Variants in CAPN6 observed in about 807,000 individuals in gnomAD.
CAPN6 encodes calpain 6.
A neutral mutation model predicts 46.0 loss-of-function variants in CAPN6; 16 were observed. The ratio of observed to expected loss-of-function variants is 0.35; its 90% CI spans 0.24 to 0.53. The LOEUF (loss-of-function observed/expected upper bound fraction) is 0.53, where lower values mean the gene tolerates loss of function less well. CAPN6 is among the 20% of genes least tolerant of loss of function. The pLI is 0.94. For synonymous variants in CAPN6, 206 were observed against 172.8 expected, an observed-to-expected ratio of 1.19 and a Z score of -1.51; for missense variants, 461 against 498.0, an observed-to-expected ratio of 0.93 and a Z score of 0.71.
chrX:111,260,262 G>C (rs1177601919), intron 2 of CAPN6, among the ~76,000 whole-genome samples: 5 of 111,801 alleles, frequency 4.5e-5, no homozygotes, highest in Non-Finnish European at 9.4e-5. Context: ...CCCAAGAATG[G>C]GGCGGCGGGG....
rs1399983516 is a variant in CAPN6, at chrX:111,255,854, T to C, written c.166-1451A>G. 3.6e-5 allele frequency among the ~76,000 whole-genome samples: 4 copies of C among 111,718 alleles called. No homozygotes were observed. The East Asian group carries it at 1.1e-3, about 31-fold the overall frequency. On this transcript the variant is annotated intron_variant, in intron 2 of 12. Coordinates refer to ENST00000324068, the MANE Select transcript of CAPN6 (RefSeq NM_014289.4). ...CTTTGGATTCTCAGGTCTTTTTTTT[T>C]AGATGCATGCCTGGTAGTTCACAAC...
chrX:111,268,777 T>C (rs975687), intron 1 of CAPN6, among the ~76,000 whole-genome samples: 2 of 111,845 alleles, frequency 1.8e-5, no homozygotes, highest in Non-Finnish European at 1.9e-5. Context: ...TGTTGGAAAG[T>C]CTGTTAGAAA....
chrX:111,251,663 C>T lies in CAPN6; in HGVS notation c.779G>A (p.Arg260His), dbSNP rs754214263. Residue 260 changes from arginine (R) to histidine (H), a missense_variant, in exon 6 of 13, where the codon CGC becomes CAC. Coordinates refer to ENST00000324068, the MANE Select transcript of CAPN6 (RefSeq NM_014289.4). Reference protein sequence around the residue: ...KGHTYTMTDIRKIRLGERLVE... With the variant: ...KGHTYTMTDIHKIRLGERLVE... ...AAGTCTCTCTCCAAGACGAATTTTG[C>T]GAATATCAGTCATGGTATAGGTATG... 5 of 1,209,472 alleles carry T rather than the reference C, an allele frequency of 4.1e-6. No individual in the cohort carries two copies. The highest frequency in any genetic ancestry group is 1.8e-5 in the South Asian group (1 of 56,869).
At chrX:111,248,397 T>G (rs754596555) in intron 10 of CAPN6, among the ~76,000 whole-genome samples, 172 bp downstream of exon 10, 1 of 112,638 alleles carries the variant, frequency 8.9e-6, no homozygotes, top group East Asian at 2.8e-4. Context: ...ACTGGGGAAT[T>G]TCCCCCAACC....
intron 1 of CAPN6, among the ~76,000 whole-genome samples, chrX:111,266,399 A>T (rs2094992020): frequency 9.0e-6 from 1 of 110,992 alleles, no homozygotes; most frequent in South Asian, 3.8e-4. Flanking sequence ...ACCTAATGAG[A>T]TGGTTGGTGT....
intron 8 of CAPN6, among the ~76,000 whole-genome samples, chrX:111,250,112 A>C (rs984755820): frequency 1.8e-5 from 2 of 111,062 alleles, no homozygotes; most frequent in South Asian, 7.8e-4. Context: ...GAAGGGTGGA[A>C]GAGCAGTATG....
At chrX:111,261,080 C>T in intron 2 of CAPN6, among the ~76,000 whole-genome samples, 1 of 112,248 alleles carries the variant, frequency 8.9e-6, no homozygotes, top group Non-Finnish European at 1.9e-5. Flanking sequence ...GGAAGTGTGG[C>T]ATCAACACAG....
intron 2 of CAPN6, among the ~76,000 whole-genome samples, chrX:111,258,405 G>T (rs17883725): frequency 9.0e-6 from 1 of 111,507 alleles, no homozygotes; most frequent in Non-Finnish European, 1.9e-5. Flanking sequence ...ATAAGTCCAG[G>T]GTCTAAATAG....
intron 10 of CAPN6, 46 bp downstream of exon 10, chrX:111,248,523 G>T: frequency 9.9e-7 from 1 of 1,010,609 alleles, no homozygotes; most frequent in Non-Finnish European, 1.4e-6. Flanking sequence ...AGGATTGGAA[G>T]TAAAGCAAAG....
intron 10 of CAPN6, among the ~76,000 whole-genome samples, 187 bp from the exon 11 acceptor site, chrX:111,248,179 T>G (rs2094976097): frequency 8.9e-6 from 1 of 111,986 alleles, no homozygotes; most frequent in African/African-American, 3.2e-5. Flanking sequence ...GGCCAGGAGA[T>G]AAAGATCAAA....
rs1260872189 is a variant in CAPN6 at position 111,255,509 on chromosome X, G to A, written c.166-1106C>T. ...CTTGACTAGATGGAGAAAGCTTCAC[G>A]AGGAGGCCATTGGCCGGTACCTTGA... is the stretch of plus-strand genomic sequence containing the variant. On this transcript the variant is annotated intron_variant, in intron 2 of 12. Coordinates refer to ENST00000324068, the MANE Select transcript of CAPN6 (RefSeq NM_014289.4). 4.4e-5 allele frequency among the ~76,000 whole-genome samples: 5 copies of A among 113,048 alleles called. 1 individual carries two copies. Among genetic ancestry groups the A allele is most frequent in the Admixed American group, 9.3e-5 (1 of 10,772 alleles).
Position 111,254,422 on chromosome X carries a change from G to A in CAPN6, c.166-19C>T. 1 of 1,160,318 alleles carries A rather than the reference G, an allele frequency of 8.6e-7. No individual in the cohort carries two copies. Among genetic ancestry groups the A allele is most frequent in the Non-Finnish European group, 1.2e-6 (1 of 851,492 alleles). ...AGATGTCCTATGAATACAATAATTG[G>A]TTATATGAGAGTCTGGGAAGAGTTT... is the stretch of plus-strand genomic sequence containing the variant. On this transcript the variant is annotated intron_variant, in intron 2 of 12. Transcript: ENST00000324068.
At chrX:111,256,509 A>C (rs1369573451) in intron 2 of CAPN6, among the ~76,000 whole-genome samples, 1 of 112,437 alleles carries the variant, frequency 8.9e-6, no homozygotes, top group Non-Finnish European at 1.9e-5. Context: ...TTTTAGATTA[A>C]TAAGGCAAAT....
At position 111,266,228 on chromosome X, in the gene CAPN6, C is replaced by T. The variant is rs181740544; in HGVS notation, c.-15-2277G>A. ...CAGCCTGGGCAACAGAGCGAGACTC[C>T]GTCTCAAAAAAAAAAAAAAAAAAAA... On this transcript the variant is annotated intron_variant, in intron 1 of 12. Transcript: ENST00000324068. 1.2e-3 allele frequency among the ~76,000 whole-genome samples: 83 copies of T among 70,734 alleles called. No individual in the cohort carries two copies. In the Admixed American group the frequency reaches 0.013, roughly 11 times the overall value. The allele number at this position is 70,734 out of a possible 115,157, so 61.4% of individuals were successfully genotyped here. A position where few individuals can be genotyped will look rare whatever the true frequency, so the allele number is the denominator to read the frequency against.
Position 111,249,036 on chromosome X carries a change from C to T in CAPN6, c.1180G>A (p.Asp394Asn). The T allele has an allele frequency of 2.5e-6, 3 of 1,210,876 alleles. No homozygotes were observed. The highest frequency in any genetic ancestry group is 3.4e-6 in the Non-Finnish European group (3 of 894,838). The change falls in exon 9 of 13, where the codon GAT becomes AAT. Residue 394 changes from aspartate to asparagine, a missense_variant. Asp to Asn is a conservative substitution (Grantham distance 23). Coordinates refer to ENST00000324068, the MANE Select transcript of CAPN6 (RefSeq NM_014289.4). ...NPQYIFTVPE[D>N]GHKVIMSLQQ... ...AGTGACATAATGACCTTGTGCCCAT[C>T]CTCAGGCACAGTGAAGATGTACTAA...
intron 9 of CAPN6, 65 bp downstream of exon 9, chrX:111,248,870 A>G: frequency 8.3e-7 from 1 of 1,200,520 alleles, no homozygotes; most frequent in Admixed American, 2.2e-5. Flanking sequence ...TTCCCCTACC[A>G]TTAAATTATC....
At chrX:111,267,869 T>C (rs1207245970) in intron 1 of CAPN6, among the ~76,000 whole-genome samples, 1 of 112,214 alleles carries the variant, frequency 8.9e-6, no homozygotes, top group African/African-American at 3.2e-5. Context: ...AATTCTGCCC[T>C]GGCATGAAGT....
At chrX:111,266,220 C>G (rs932514563) in intron 1 of CAPN6, among the ~76,000 whole-genome samples, 1 of 77,776 alleles carries the variant, frequency 1.3e-5, no homozygotes, top group Non-Finnish European at 2.2e-5. Flanking sequence ...GGCAACAGAG[C>G]GAGACTCCGT....
At position 111,254,368 on chromosome X, in the gene CAPN6, G is replaced by A. The variant is rs774289135; in HGVS notation, c.201C>T (p.Asn67=). 2 of 1,209,673 alleles carry A rather than the reference G, an allele frequency of 1.7e-6. No individual in the cohort carries two copies. The highest frequency in any genetic ancestry group is 2.2e-5 in the Admixed American group (1 of 46,002). ...ICDDPHLIVG[N]ISNHQLTQGR... ...CTTGGGTCAGCTGGTGGTTGCTAAT[G>A]TTGCCCACAATCAGATGGGGGTCAT... The change falls in exon 3 of 13, where the codon AAC becomes AAT. Residue 67 remains asparagine (N), a synonymous_variant. Transcript: ENST00000324068.
Sources: allele counts gnomAD v4.1 joint callset (sites outside exome capture counted in the v4.1 genomes callset), GRCh38; gene constraint gnomAD v4.1.1; transcripts MANE v1.5; gene names NCBI Gene and HGNC (gene_info 2026-07-23, HGNC 2026-07-21).